ZSCAN18: variants seen among roughly 807,000 people sequenced by gnomAD.
The protein encoded by ZSCAN18 is zinc finger and SCAN domain-containing protein 18.
Under a neutral mutation model 31.1 loss-of-function variants are expected in ZSCAN18, and 16 were observed. That is an observed-to-expected ratio of 0.51 (90% confidence interval 0.35 to 0.78). The LOEUF is 0.78. Ranked by LOEUF, ZSCAN18 falls within the 30% of genes least tolerant of loss-of-function variation. The pLI, the probability that ZSCAN18 is intolerant of heterozygous loss-of-function variation, is 0.01. For missense variants in ZSCAN18, 731 were observed against 697.4 expected, an observed-to-expected ratio of 1.05 and a Z score of -0.54; for synonymous variants, 375 against 320.7, an observed-to-expected ratio of 1.17 and a Z score of -1.81.
intron 1 of ZSCAN18, among the ~76,000 whole-genome samples, chr19:58,094,180 G>A (rs557935629): frequency 1.4e-3 from 211 of 151,518 alleles, no homozygotes; most frequent in Non-Finnish European, 2.2e-3. Flanking sequence ...GGCAGATCAC[G>A]AGGTCAGGAG....
At chr19:58,117,755 T>C (rs7252304) in intron 1 of ZSCAN18, among the ~76,000 whole-genome samples, 1 of 143,164 alleles carries the variant, frequency 7.0e-6, no homozygotes, top group Non-Finnish European at 1.5e-5. Context: ...GAGGCTGAGG[T>C]TAAGGGACAG....
In ZSCAN18 at chr19:58,084,585, C is replaced by T. The variant is rs943405602; in HGVS notation, c.*100G>A. On this transcript the variant is annotated 3_prime_UTR_variant, in exon 7 of 7. Transcript: ENST00000601144. The surrounding 1 kb of genome is among the most constrained non-coding windows in gnomAD (Gnocchi z 4.5). The stretch of plus-strand genomic sequence containing the variant: ...CACAGGCAGAGGACGTCCACAAACA[C>T]CACAGGAAGCCGCCACCCAGGGGCG... 2.0e-5 allele frequency: 25 copies of T among 1,223,300 alleles called. No homozygotes were observed. The highest frequency in any genetic ancestry group is 2.7e-5 in the Non-Finnish European group (25 of 918,888). 75.8% of individuals were successfully genotyped at this position (1,223,300 alleles called of 1,614,324 possible).
intron 5 of ZSCAN18, 31 bp downstream of exon 5, chr19:58,086,875 G>T: frequency 6.4e-7 from 1 of 1,563,850 alleles, no homozygotes; most frequent in Non-Finnish European, 8.8e-7. Flanking sequence ...GATGGGGAGT[G>T]GGGCGTGACC....
At chr19:58,103,350 G>A (rs2074609914) in intron 1 of ZSCAN18, among the ~76,000 whole-genome samples, 1 of 152,054 alleles carries the variant, frequency 6.6e-6, no homozygotes, top group African/African-American at 2.4e-5. Context: ...CAAGTTGAAG[G>A]TTTGTGGCAA....
rs1003853241 is a variant in ZSCAN18, at chr19:58,085,464, A to G, written c.839-85T>C. ...CCAGCCGAGCCTCAGCTGCCGGAACAGCGCACAGGGCTCCGGGCTCTGGAT... is the reference window on the plus strand; with the variant it reads ...CCAGCCGAGCCTCAGCTGCCGGAACGGCGCACAGGGCTCCGGGCTCTGGAT... On this transcript the variant is annotated intron_variant, in intron 6 of 6. Transcript: ENST00000601144. 5 of 1,236,456 alleles carry G rather than the reference A, an allele frequency of 4.0e-6. No homozygotes were observed. In the African/African-American group the frequency reaches 7.7e-5, roughly 19 times the overall value. 76.6% of individuals were successfully genotyped at this position (1,236,456 alleles called of 1,614,324 possible).
intron 1 of ZSCAN18, among the ~76,000 whole-genome samples, chr19:58,109,587 C>T (rs2074663029): frequency 6.6e-6 from 1 of 152,124 alleles, no homozygotes. Flanking sequence ...AAATACCACA[C>T]ATTAACAAAA....
intron 1 of ZSCAN18, among the ~76,000 whole-genome samples, chr19:58,095,111 CCT>C (rs1248533359): frequency 1.3e-5 from 2 of 152,122 alleles, no homozygotes; most frequent in South Asian, 2.1e-4. Context: ...TACGCTAACC[CCT>C]GTTCTGGAGC....
At chr19:58,098,369 T>A, upstream of ZSCAN18, 1 of 985,516 alleles carries the variant, frequency 1.0e-6, no homozygotes, top group African/African-American at 1.7e-5. Flanking sequence ...GACGCGAGTG[T>A]GGCCTCCCGG....
rs2074339981 is a variant in ZSCAN18, at chr19:58,088,791, A to T, written c.450T>A (p.Asp150Glu). The change falls in exon 3 of 7, where the codon GAT becomes GAA. Residue 150 changes from aspartate (D) to glutamate (E), a missense_variant. By Grantham distance (45) the Asp-to-Glu change is conservative (BLOSUM62 2). Coordinates refer to ENST00000601144, the MANE Select transcript of ZSCAN18 (RefSeq NM_001145543.2). The stretch of plus-strand genomic sequence containing the variant: ...GGTCCATGTGCCTCTCGTACACTCC[A>T]TCGCTAAGAATTGAGGATGAGCCCG... ...SPAGSSSILS[D>E]GVYERHMDPL... The T allele has an allele frequency of 6.2e-7, 1 of 1,612,616 alleles. No homozygotes were observed. Among genetic ancestry groups the T allele is most frequent in the African/African-American group, 1.3e-5 (1 of 74,912 alleles).
At position 58,084,564 on chromosome 19, in the gene ZSCAN18, G is replaced by A; in HGVS notation, c.*121C>T. 2.0e-6 allele frequency: 2 copies of A among 1,022,978 alleles called. No individual in the cohort carries two copies. The highest frequency in any genetic ancestry group is 3.4e-5 in the Admixed American group (1 of 29,718). 63.4% of individuals were successfully genotyped at this position (1,022,978 alleles called of 1,614,324 possible). A position where few individuals can be genotyped will look rare whatever the true frequency, so the allele number is the denominator to read the frequency against. On this transcript the variant is annotated 3_prime_UTR_variant, in exon 7 of 7. Coordinates refer to ENST00000601144, the MANE Select transcript of ZSCAN18 (RefSeq NM_001145543.2). This position sits in a 1 kb window ranked among gnomAD's most constrained non-coding sequence, Gnocchi z 4.5. ...GCCTCAGGAGCGGATTCAGGGCACA[G>A]GCAGAGGACGTCCACAAACACCACA...
At chr19:58,107,045 G>A (rs374754876) in intron 1 of ZSCAN18, among the ~76,000 whole-genome samples, 1 of 151,790 alleles carries the variant, frequency 6.6e-6, no homozygotes, top group Non-Finnish European at 1.5e-5. Context: ...TTACAGGCGT[G>A]AGCCACCGTG....
At chr19:58,106,905 T>C (rs1036145999) in intron 1 of ZSCAN18, among the ~76,000 whole-genome samples, 10 of 151,224 alleles carry the variant, frequency 6.6e-5, no homozygotes, top group Non-Finnish European at 1.2e-4. Flanking sequence ...GGATTACAGG[T>C]GTGCACCATC....
chr19:58,101,519 CTTTTTTT>C (rs59435037), upstream of ZSCAN18, among the ~76,000 whole-genome samples: 7 of 55,408 alleles, frequency 1.3e-4, no homozygotes, highest in Admixed American at 3.4e-4. Context: ...TTATCTTCTT[CTTTTTTT>C]TTTTTTTTTT....
At chr19:58,116,603 C>T (rs1035049779) in intron 1 of ZSCAN18, among the ~76,000 whole-genome samples, 2 of 152,180 alleles carry the variant, frequency 1.3e-5, no homozygotes, top group African/African-American at 4.8e-5. Flanking sequence ...GCCAAGCAAC[C>T]TCAGAGAATG....
At chr19:58,098,263 C>T (rs1310615648), upstream of ZSCAN18, 14 of 985,440 alleles carry the variant, frequency 1.4e-5, no homozygotes, top group African/African-American at 1.7e-5. Flanking sequence ...CACTGGGCCT[C>T]ACCGCGGACT....
chr19:58,095,040 C>A (rs1292230966), intron 1 of ZSCAN18, among the ~76,000 whole-genome samples: 1 of 152,158 alleles, frequency 6.6e-6, no homozygotes, highest in Non-Finnish European at 1.5e-5. Context: ...ATAAGCGACA[C>A]AGCAAGATCC....
intron 1 of ZSCAN18, among the ~76,000 whole-genome samples, chr19:58,111,356 ATTTT>A (rs1321360956): frequency 6.6e-6 from 1 of 151,672 alleles, no homozygotes; most frequent in Non-Finnish European, 1.5e-5. Context: ...CCCGAAAAAA[ATTTT>A]TTTTAAGACA....
At position 58,112,057 on chromosome 19, in the gene ZSCAN18, C is replaced by T. The variant is rs566993458; in HGVS notation, c.130+6210G>A. ...TTATTTTACTTTTTTGTTTTTGAGACCAGGTCTTACTCTGTGACCCAGGCT... is the reference window on the plus strand; with the variant it reads ...TTATTTTACTTTTTTGTTTTTGAGATCAGGTCTTACTCTGTGACCCAGGCT... On this transcript the variant is annotated intron_variant, in intron 1 of 1. Transcript: ENST00000595721. 1.0e-3 allele frequency among the ~76,000 whole-genome samples: 155 copies of T among 152,226 alleles called. No homozygotes were observed. The South Asian group carries it at 0.012, about 12-fold the overall frequency.
chr19:58,100,787 G>A (rs12974312), upstream of ZSCAN18, among the ~76,000 whole-genome samples: 84,850 of 151,314 alleles, frequency 0.56, 25,721 homozygotes, highest in Non-Finnish European at 0.68. Context: ...AGAGGCTGAG[G>A]CAGCTTGAAA....
Sources: allele counts gnomAD v4.1 joint callset (sites outside exome capture counted in the v4.1 genomes callset), GRCh38; gene constraint gnomAD v4.1.1; non-coding constraint Gnocchi (gnomAD v3.1); transcripts MANE v1.5; gene names NCBI Gene and HGNC (gene_info 2026-07-23, HGNC 2026-07-21).